DMD: variants seen among roughly 807,000 people sequenced by gnomAD.
DMD encodes dystrophin.
A neutral mutation model predicts 330.1 loss-of-function variants in DMD; 63 were observed. The ratio of observed to expected loss-of-function variants is 0.19; its 90% confidence interval spans 0.16 to 0.24. The LOEUF is 0.24. DMD is among the 10% of genes least tolerant of loss of function. The pLI, the probability that DMD is intolerant of heterozygous loss-of-function variation, is 1.00. For synonymous variants in DMD, 1,223 were observed against 959.8 expected (o/e 1.27, Z -5.07); for missense variants, 3,344 against 2,684.1 (o/e 1.25, Z -5.43).
chrX:32,525,919 G>A lies in DMD; in HGVS notation c.2169-7788C>T, dbSNP rs139197625. Among the ~76,000 whole-genome samples the A allele has an allele frequency of 4.6e-3, 516 of 111,916 alleles. 3 individuals are homozygous for A. Among genetic ancestry groups the A allele is most frequent in the African/African-American group, 0.015 (473 of 30,827 alleles). Reference sequence around the variant, plus strand: ...AATGCCATATTCAACGTTGGATTCTGTACATGTATTTTTGCTTCTTCATAA... The same window carrying A: ...AATGCCATATTCAACGTTGGATTCTATACATGTATTTTTGCTTCTTCATAA... On this transcript the variant is annotated intron_variant, in intron 17 of 78. Transcript: ENST00000357033.
chrX:32,787,744 A>G (rs73462823), intron 7 of DMD, among the ~76,000 whole-genome samples: 2,116 of 100,021 alleles, frequency 0.021, 85 homozygotes, highest in African/African-American at 0.073. Context: ...CAATTTAAGG[A>G]CCACGGTTGA....
At chrX:32,406,484 G>C (rs1405327839) in intron 30 of DMD, among the ~76,000 whole-genome samples, 1 of 110,368 alleles carries the variant, frequency 9.1e-6, no homozygotes, top group Non-Finnish European at 1.9e-5. Context: ...TATTGTCAAA[G>C]GCCTTTTCTG....
At chrX:32,756,405 T>C (rs907372476) in intron 7 of DMD, 5 of 111,458 alleles carry the variant, frequency 4.5e-5, no homozygotes, top group African/African-American at 1.6e-4. Context: ...CAGAAAAATG[T>C]GTAGTCGAAT....
intron 44 of DMD, among the ~76,000 whole-genome samples, chrX:32,191,461 G>A (rs2147600442): frequency 8.9e-6 from 1 of 111,928 alleles, no homozygotes; most frequent in South Asian, 3.7e-4. Flanking sequence ...GGAACAGCGA[G>A]AATAAGGGGA....
At chrX:32,262,506 A>T (rs1264040680) in intron 43 of DMD, among the ~76,000 whole-genome samples, 1 of 111,924 alleles carries the variant, frequency 8.9e-6, no homozygotes, top group Non-Finnish European at 1.9e-5. Flanking sequence ...TATATCATTT[A>T]TACCACAATG....
intron 7 of DMD, among the ~76,000 whole-genome samples, chrX:32,742,181 A>T (rs1196695929): frequency 8.9e-6 from 1 of 111,783 alleles, no homozygotes; most frequent in African/African-American, 3.3e-5. Flanking sequence ...CCATTCTGAT[A>T]TTGTCACTGC....
intron 44 of DMD, among the ~76,000 whole-genome samples, chrX:32,175,378 A>G: frequency 9.0e-6 from 1 of 110,932 alleles, no homozygotes; most frequent in East Asian, 2.8e-4. Context: ...GGGCACTCTG[A>G]TAGGACAGAA....
intron 1 of DMD, among the ~76,000 whole-genome samples, chrX:33,297,068 C>T (rs774166992): frequency 5.6e-4 from 62 of 110,938 alleles, no homozygotes; most frequent in Middle Eastern, 4.7e-3. Flanking sequence ...ACACTAATAC[C>T]TACTTATCAA....
intron 9 of DMD, among the ~76,000 whole-genome samples, chrX:32,651,134 A>G (rs1314060872): frequency 2.9e-5 from 3 of 104,799 alleles, no homozygotes; most frequent in African/African-American, 1.1e-4. Context: ...AAAATATAAT[A>G]TAACTTTTTT....
At chrX:32,883,841 A>G (rs868759543) in intron 2 of DMD, among the ~76,000 whole-genome samples, 7 of 101,152 alleles carry the variant, frequency 6.9e-5, no homozygotes, top group Admixed American at 6.3e-4. Context: ...AAAAAAAAAA[A>G]AAAAAAAAAA....
At chrX:33,015,692 T>C (rs2093788999) in intron 2 of DMD, among the ~76,000 whole-genome samples, 1 of 111,512 alleles carries the variant, frequency 9.0e-6, no homozygotes, top group South Asian at 3.8e-4. Flanking sequence ...AAGGCTACCT[T>C]ACTGACTCAA....
chrX:31,682,382 C>T (rs898901900), intron 52 of DMD, among the ~76,000 whole-genome samples: 1 of 111,381 alleles, frequency 9.0e-6, no homozygotes, highest in Non-Finnish European at 1.9e-5. Flanking sequence ...TTTTGTGTGT[C>T]TCATTGTTGT....
chrX:32,629,187 G>A (rs1233300430), intron 11 of DMD, among the ~76,000 whole-genome samples: 5 of 111,551 alleles, frequency 4.5e-5, no homozygotes, highest in African/African-American at 1.6e-4. Flanking sequence ...TTATACGTCT[G>A]GGTGTTCCAA....
At chrX:32,919,697 C>T (rs2088200371) in intron 2 of DMD, among the ~76,000 whole-genome samples, 1 of 111,845 alleles carries the variant, frequency 8.9e-6, no homozygotes, top group Non-Finnish European at 1.9e-5. Context: ...TTCTAATCAT[C>T]TACTTTTCTA....
chrX:31,828,374 T>C, intron 49 of DMD, among the ~76,000 whole-genome samples: 1 of 111,438 alleles, frequency 9.0e-6, no homozygotes, highest in Non-Finnish European at 1.9e-5. Flanking sequence ...ATAGAAACCC[T>C]GAACGCTTTG....
intron 50 of DMD, among the ~76,000 whole-genome samples, chrX:31,777,845 T>G (rs989938011): frequency 1.8e-5 from 2 of 112,031 alleles, no homozygotes; most frequent in Non-Finnish European, 3.8e-5. Context: ...CTCTTTTTCC[T>G]GCATTTCTCA....
At chrX:33,099,447 A>T (rs6527261) in intron 1 of DMD, among the ~76,000 whole-genome samples, 43,235 of 109,911 alleles carry the variant, frequency 0.39, 6,514 homozygotes, top group East Asian at 0.85. Flanking sequence ...CACAACTTTG[A>T]ATATTGTTTC....
intron 63 of DMD, among the ~76,000 whole-genome samples, chrX:31,229,279 C>T (rs2046976323): frequency 9.0e-6 from 1 of 110,669 alleles, no homozygotes; most frequent in Non-Finnish European, 1.9e-5. Flanking sequence ...ACATTAAGTC[C>T]CTTCATTTCA....
At chrX:31,409,145 C>A (rs2704912) in intron 60 of DMD, among the ~76,000 whole-genome samples, 47,873 of 110,241 alleles carry the variant, frequency 0.43, 8,562 homozygotes, top group East Asian at 0.76. Context: ...ATAGTATTCT[C>A]TGGTGTATAT....
Sources: allele counts gnomAD v4.1 joint callset (sites outside exome capture counted in the v4.1 genomes callset), GRCh38; gene constraint gnomAD v4.1.1; transcripts MANE v1.5; gene names NCBI Gene and HGNC (gene_info 2026-07-23, HGNC 2026-07-21).